The following GLB1L2 variants were observed in gnomAD, a reference collection of about 807,000 sequenced individuals.
GLB1L2 encodes the protein galactosidase beta 1 like 2.
In GLB1L2, 68 loss-of-function variants were observed where a neutral mutation model predicts 84.1. The observed-to-expected ratio is 0.81, with a 90% CI of 0.67 to 0.99. The LOEUF (loss-of-function observed/expected upper bound fraction) is 0.99. Among genes scored for constraint, GLB1L2 ranks in the 50% least tolerant of loss-of-function variants. The pLI, the probability that GLB1L2 is intolerant of heterozygous loss-of-function variation, is 0.00. For synonymous variants in GLB1L2, 290 were observed against 318.0 expected, an observed-to-expected ratio of 0.91 and a Z score of 0.94; for missense variants, 762 against 805.6, an observed-to-expected ratio of 0.95 and a Z score of 0.66.
rs1024691693 is a variant in GLB1L2 at position 134,371,068 on chromosome 11, C to T, written c.1276C>T (p.Gln426Ter). Residue 426 changes from glutamine to a stop codon, truncating the protein, a stop_gained, in exon 13 of 19, where the codon CAG becomes TAG. Coordinates refer to ENST00000535456, the MANE Select transcript of GLB1L2 (RefSeq NM_001370461.1). LOFTEE classifies it high-confidence loss of function. ...ENLPVNGGNGQSFGYILYETS... is the reference protein window; with the variant it reads ...ENLPVNGGNG ...CCTGCCAGTCAATGGGGGAAATGGA[C>T]AGTCCTTCGGGTACATTCTCTATGA... The T allele has an allele frequency of 1.9e-6, 3 of 1,614,186 alleles. No homozygotes were observed. The highest frequency in any genetic ancestry group is 1.1e-5 in the South Asian group (1 of 91,078).
chr11:134,349,879 G>T (rs565956405), intron 5 of GLB1L2, among the ~76,000 whole-genome samples: 1 of 152,302 alleles, frequency 6.6e-6, no homozygotes, highest in South Asian at 2.1e-4. Context: ...AAGGCAGCAG[G>T]TTCCCTTTTG....
chr11:134,373,514 C>A (rs78472963), intron 15 of GLB1L2, among the ~76,000 whole-genome samples: 3,299 of 152,284 alleles, frequency 0.022, 51 homozygotes, highest in Non-Finnish European at 0.034. Flanking sequence ...TCCTTCCCGT[C>A]CCCCACAGAA....
At chr11:134,373,220 G>A (rs557154528) in intron 15 of GLB1L2, among the ~76,000 whole-genome samples, 1 of 152,296 alleles carries the variant, frequency 6.6e-6, no homozygotes, top group South Asian at 2.1e-4. Flanking sequence ...CTGATGAGTG[G>A]CTCCTCAAGA....
Position 134,370,566 on chromosome 11 carries a change from G to A in GLB1L2, c.1215+167G>A, listed in dbSNP as rs1236611333. On this transcript the variant is annotated intron_variant, in intron 12 of 18. Transcript: ENST00000535456. The surrounding 1 kb of genome is among the most constrained non-coding windows in gnomAD (Gnocchi z 4.7). ...GTGGGGGGAGGCAGGCCAGTGCCTG[G>A]TGGCTCTGGGGTCTGCTCTCCGGCC... Among the ~76,000 whole-genome samples, 3 of 152,072 alleles carry A rather than the reference G, an allele frequency of 2.0e-5. No homozygotes were observed. Among genetic ancestry groups the A allele is most frequent in the Non-Finnish European group, 2.9e-5 (2 of 68,010 alleles).
At position 134,350,678 on chromosome 11, in the gene GLB1L2, C is replaced by CGGTG. The variant is rs1313514814; in HGVS notation, c.558+3246_558+3249dup. On this transcript the variant is annotated intron_variant, in intron 5 of 18. Coordinates refer to ENST00000535456, the MANE Select transcript of GLB1L2 (RefSeq NM_001370461.1). ...TTCGTGTTCCAGCAGGACGGATGAA[C>CGGTG]GGTGCAGCCTTCTATTCCTCCATCT... is the stretch of plus-strand genomic sequence containing the variant. Among the ~76,000 whole-genome samples, 6 of 152,322 alleles carry CGGTG rather than the reference C, an allele frequency of 3.9e-5. No individual in the cohort carries two copies. In the East Asian group the frequency reaches 9.6e-4, roughly 24 times the overall value.
Position 134,338,013 on chromosome 11 carries a change from G to C in GLB1L2, c.87-4741G>C, listed in dbSNP as rs1943411723. Among the ~76,000 whole-genome samples, 1 of 152,210 alleles carries C rather than the reference G, an allele frequency of 6.6e-6. No homozygotes were observed. The highest frequency in any genetic ancestry group is 1.5e-5 in the Non-Finnish European group (1 of 68,040). On this transcript the variant is annotated intron_variant, in intron 1 of 18. Coordinates refer to ENST00000535456, the MANE Select transcript of GLB1L2 (RefSeq NM_001370461.1). The surrounding 1 kb of genome is among the most constrained non-coding windows in gnomAD (Gnocchi z 6.2). ...AGGACTTATGTTCTGGGAATCGAAG[G>C]ACAATGATTGCAGTTCCTGACTCAG...
intron 8 of GLB1L2, chr11:134,366,928 TG>T: frequency 8.5e-6 from 3 of 352,036 alleles, no homozygotes; most frequent in Non-Finnish European, 1.6e-5. Flanking sequence ...CCCCCTTCCC[TG>T]GAAGAGGACA....
intron 7 of GLB1L2, among the ~76,000 whole-genome samples, chr11:134,362,314 TTCCCTTCCCCGGCGCTGCCCGCG>T (rs1412802395): frequency 1.4e-5 from 2 of 141,372 alleles, no homozygotes; most frequent in Admixed American, 7.0e-5. Context: ...GCTGCCCGCG[TTCCCTTCCCCGGCGCTGCCCGCG>T]TTCCTTCCCC....
At chr11:134,335,027 G>T (rs998091404) in intron 1 of GLB1L2, among the ~76,000 whole-genome samples, 1 of 152,162 alleles carries the variant, frequency 6.6e-6, no homozygotes, top group Non-Finnish European at 1.5e-5. Flanking sequence ...AAAGTTGGGA[G>T]AGGGGAAAGC....
At chr11:134,333,297 ATGT>A (rs1284390887) in intron 1 of GLB1L2, among the ~76,000 whole-genome samples, 1 of 152,134 alleles carries the variant, frequency 6.6e-6, no homozygotes, top group East Asian at 1.9e-4. Flanking sequence ...TGTTCCCAAG[ATGT>A]TTTCTGTCCT....
intron 5 of GLB1L2, among the ~76,000 whole-genome samples, chr11:134,352,796 C>G (rs565299054): frequency 6.6e-6 from 1 of 151,926 alleles, no homozygotes; most frequent in Non-Finnish European, 1.5e-5. Context: ...TACAGGTGCC[C>G]GTGACCACGC....
At chr11:134,348,814 T>G (rs947396414) in intron 5 of GLB1L2, among the ~76,000 whole-genome samples, 6 of 152,114 alleles carry the variant, frequency 3.9e-5, no homozygotes, top group Non-Finnish European at 7.4e-5. Flanking sequence ...GCAGATTCGG[T>G]GTCTGGAAGG....
At chr11:134,337,440 G>A (rs1345801202) in intron 1 of GLB1L2, among the ~76,000 whole-genome samples, 2 of 152,316 alleles carry the variant, frequency 1.3e-5, no homozygotes, top group South Asian at 2.1e-4. Context: ...CCTGGAGCCC[G>A]GGGATTGGTC....
At chr11:134,358,963 C>T (rs1943743600) in intron 6 of GLB1L2, 97 bp from the exon 7 acceptor site, 1 of 807,216 alleles carries the variant, frequency 1.2e-6, no homozygotes, top group Non-Finnish European at 2.0e-6. Context: ...TGTCATCTCT[C>T]CTTCTAGCTC....
chr11:134,364,428 C>T (rs769649838), intron 8 of GLB1L2, 30 bp downstream of exon 8: 128 of 1,562,430 alleles, frequency 8.2e-5, no homozygotes, highest in Middle Eastern at 5.0e-4. Context: ...AGCTGCGGCC[C>T]GCCCTGCTCA....
chr11:134,355,071 T>C (rs1393992083), intron 5 of GLB1L2, among the ~76,000 whole-genome samples: 1 of 152,208 alleles, frequency 6.6e-6, no homozygotes, highest in Non-Finnish European at 1.5e-5. Flanking sequence ...TCTGATAACC[T>C]GTGTTTAAGT....
In GLB1L2 at chr11:134,351,800, C is replaced by T. The variant is rs539449093; in HGVS notation, c.558+4367C>T. On this transcript the variant is annotated intron_variant, in intron 5 of 18. Transcript: ENST00000535456. ...TCAGTATTCATCAGGACTGTTAGTC[C>T]GTGTTTTCTTTTCTCATAGTGTCTT... 4.6e-5 allele frequency among the ~76,000 whole-genome samples: 7 copies of T among 152,096 alleles called. 1 individual carries two copies. The highest frequency in any genetic ancestry group is 7.2e-5 in the African/African-American group (3 of 41,472).
intron 3 of GLB1L2, 136 bp from the exon 4 acceptor site, chr11:134,344,898 T>TC: frequency 1.0e-6 from 1 of 997,666 alleles, no homozygotes; most frequent in East Asian, 2.7e-5. Flanking sequence ...GGTGTGGGAG[T>TC]CCCCGCGCTT....
At chr11:134,374,546 C>A in intron 17 of GLB1L2, 56 bp from the exon 18 acceptor site, 1 of 1,365,458 alleles carries the variant, frequency 7.3e-7, no homozygotes, top group Non-Finnish European at 1.0e-6. Context: ...GCATGTCTCC[C>A]TCCACTTTTG....
Sources: gnomAD v4.1 joint callset for allele counts (sites outside exome capture counted in the v4.1 genomes callset) on GRCh38, gnomAD v4.1.1 for gene constraint, Gnocchi (gnomAD v3.1) non-coding constraint, MANE v1.5 for transcripts, NCBI Gene and HGNC (gene_info 2026-07-23, HGNC 2026-07-21) for gene names.